Variants in GPC3 observed in about 807,000 individuals in gnomAD.
The protein encoded by GPC3 is glypican-3.
Under a neutral mutation model 34.4 loss-of-function variants are expected in GPC3, and 3 were observed. The observed-to-expected ratio is 0.09, with a 90% confidence interval of 0.04 to 0.23. GPC3 has a LOEUF of 0.23. GPC3 is among the 10% of genes least tolerant of loss of function. The pLI is 1.00. For missense variants in GPC3, 351 were observed against 445.6 expected (o/e 0.79, Z 1.91); for synonymous variants, 177 against 174.0 (o/e 1.02, Z -0.13).
At chrX:133,548,745 T>C (rs986208932) in intron 7 of GPC3, among the ~76,000 whole-genome samples, 1 of 111,570 alleles carries the variant, frequency 9.0e-6, no homozygotes, top group Non-Finnish European at 1.9e-5. Context: ...GGGAGGTAAT[T>C]GAATCACGGG....
At chrX:133,958,758 C>T (rs769675100) in intron 1 of GPC3, among the ~76,000 whole-genome samples, 151 of 101,231 alleles carry the variant, frequency 1.5e-3, no homozygotes, top group African/African-American at 4.9e-3. Context: ...TGATGGCACA[C>T]ACCTGTAATC....
chrX:133,830,605 G>C (rs1196379702), intron 2 of GPC3, among the ~76,000 whole-genome samples: 2 of 100,846 alleles, frequency 2.0e-5, no homozygotes, highest in African/African-American at 7.3e-5. Flanking sequence ...TTGAACCTGG[G>C]AGACGGAGGT....
chrX:133,817,216 C>T (rs1306775036), intron 2 of GPC3, among the ~76,000 whole-genome samples: 1 of 111,216 alleles, frequency 9.0e-6, no homozygotes, highest in Non-Finnish European at 1.9e-5. Context: ...TCTCTTCTTC[C>T]CTTCTTACTT....
At chrX:133,612,065 A>G (rs1402219019) in intron 6 of GPC3, among the ~76,000 whole-genome samples, 2 of 112,029 alleles carry the variant, frequency 1.8e-5, no homozygotes, top group Non-Finnish European at 3.8e-5. Context: ...GAAATACATA[A>G]CTTCCCTAAC....
rs769464631 is a variant in GPC3, at chrX:133,953,024, CA to C, written c.337+25del. 1.9e-5 allele frequency: 22 copies of C among 1,175,206 alleles called. No homozygotes were observed. In the South Asian group the frequency reaches 3.7e-4, roughly 20 times the overall value. ...CAAATAATGATGCCACTAAGCAGCA[CA>C]TCTAAAATAATCCCCAGAACTCACC... On this transcript the variant is annotated intron_variant, in intron 2 of 7. Transcript: ENST00000370818.
chrX:133,908,115 G>C (rs1400977403), intron 2 of GPC3, among the ~76,000 whole-genome samples: 1 of 111,308 alleles, frequency 9.0e-6, no homozygotes, highest in Non-Finnish European at 1.9e-5. Context: ...TGCAAGTCTA[G>C]TATCAAGTAC....
At chrX:133,585,486 T>C (rs140228694) in intron 7 of GPC3, among the ~76,000 whole-genome samples, 1,328 of 111,509 alleles carry the variant, frequency 0.012, 26 homozygotes, top group African/African-American at 0.04. Flanking sequence ...TAGGAGATCA[T>C]TGTTTATCAT....
chrX:133,631,084 C>G (rs1226751120), intron 6 of GPC3, among the ~76,000 whole-genome samples: 2 of 111,778 alleles, frequency 1.8e-5, no homozygotes, highest in African/African-American at 6.5e-5. Flanking sequence ...GCACATGGAA[C>G]ACATTTTTTA....
At chrX:133,677,101 G>A (rs926059697) in intron 5 of GPC3, among the ~76,000 whole-genome samples, 1 of 111,440 alleles carries the variant, frequency 9.0e-6, no homozygotes, top group Non-Finnish European at 1.9e-5. Context: ...CAGTGCTATG[G>A]GGGAAACATT....
At chrX:133,787,428 T>C (rs2072112946) in intron 2 of GPC3, among the ~76,000 whole-genome samples, 1 of 112,647 alleles carries the variant, frequency 8.9e-6, no homozygotes, top group Admixed American at 9.4e-5. Flanking sequence ...TCCCCATTGT[T>C]GTAGAAGGTC....
At chrX:133,579,684 C>T (rs2069716812) in intron 7 of GPC3, among the ~76,000 whole-genome samples, 1 of 111,380 alleles carries the variant, frequency 9.0e-6, no homozygotes, top group Non-Finnish European at 1.9e-5. Flanking sequence ...GCTGGGACTA[C>T]AGGCTCACAC....
chrX:133,660,947 T>C (rs906708022), intron 6 of GPC3, among the ~76,000 whole-genome samples: 7 of 111,279 alleles, frequency 6.3e-5, no homozygotes, highest in African/African-American at 9.8e-5. Flanking sequence ...TGCAGGAGGA[T>C]TGCTTGAGCC....
At chrX:133,693,506 T>C (rs1488382153) in intron 4 of GPC3, among the ~76,000 whole-genome samples, 1 of 111,964 alleles carries the variant, frequency 8.9e-6, no homozygotes, top group Non-Finnish European at 1.9e-5. Context: ...ATGTACCTTA[T>C]GTCTATACTA....
chrX:133,758,918 A>C (rs2071757285), intron 2 of GPC3, among the ~76,000 whole-genome samples: 1 of 111,141 alleles, frequency 9.0e-6, no homozygotes, highest in African/African-American at 3.3e-5. Context: ...AACGTCCACA[A>C]AAAATTTTAC....
At chrX:133,724,903 A>T (rs1046975489) in intron 3 of GPC3, among the ~76,000 whole-genome samples, 1 of 111,928 alleles carries the variant, frequency 8.9e-6, no homozygotes, top group African/African-American at 3.2e-5. Context: ...AACAGTCTTC[A>T]TAATTGAGCA....
At chrX:133,627,154 A>G (rs1447484128) in intron 6 of GPC3, among the ~76,000 whole-genome samples, 20 of 72,388 alleles carry the variant, frequency 2.8e-4, no homozygotes, top group African/African-American at 4.6e-4. Flanking sequence ...TCACACACTG[A>G]GGCCTGTCGC....
chrX:133,678,121 T>C (rs1281936837), intron 5 of GPC3, among the ~76,000 whole-genome samples: 1 of 111,797 alleles, frequency 8.9e-6, no homozygotes, highest in African/African-American at 3.3e-5. Context: ...ATCAGTAGAA[T>C]CAGTAAAATG....
intron 2 of GPC3, among the ~76,000 whole-genome samples, chrX:133,792,976 C>T (rs969223963): frequency 1.2e-4 from 13 of 110,928 alleles, no homozygotes; most frequent in African/African-American, 3.9e-4. Flanking sequence ...CTAATGAAAT[C>T]GTCCTTTTGA....
At chrX:133,926,987 C>T (rs945587809) in intron 2 of GPC3, among the ~76,000 whole-genome samples, 1 of 110,787 alleles carries the variant, frequency 9.0e-6, no homozygotes, top group Non-Finnish European at 1.9e-5. Flanking sequence ...ATTACACTCA[C>T]TTCCCTAGTG....
Sources: gnomAD v4.1 joint callset for allele counts (sites outside exome capture counted in the v4.1 genomes callset) on GRCh38, gnomAD v4.1.1 for gene constraint, MANE v1.5 for transcripts, NCBI Gene and HGNC (gene_info 2026-07-23, HGNC 2026-07-21) for gene names.